The following CEP78 variants were observed in gnomAD, a reference collection of about 807,000 sequenced individuals.
The protein encoded by CEP78 is centrosomal protein of 78 kDa.
A neutral mutation model predicts 81.2 loss-of-function variants in CEP78; 76 were observed. The ratio of observed to expected loss-of-function variants is 0.94; its 90% CI spans 0.78 to 1.13. The LOEUF is 1.13. Among genes scored for constraint, CEP78 ranks in the 50% most tolerant of loss-of-function variants. The pLI is 0.00. For missense variants in CEP78, 918 were observed against 846.8 expected (o/e 1.08, Z -1.04); for synonymous variants, 293 against 301.4 (o/e 0.97, Z 0.29).
intron 8 of CEP78, among the ~76,000 whole-genome samples, chr9:78,251,304 A>G (rs1826748016): frequency 2.0e-5 from 3 of 152,224 alleles, no homozygotes. Context: ...TGGCTCACCT[A>G]CTACCCAGCT....
Position 78,248,092 on chromosome 9 carries a change from C to A in CEP78, c.893-199C>A, listed in dbSNP as rs75876687. 0.018 allele frequency among the ~76,000 whole-genome samples: 2,726 copies of A among 151,998 alleles called. 88 individuals are homozygous for A. Among genetic ancestry groups the A allele is most frequent in the African/African-American group, 0.062 (2,573 of 41,436 alleles). On this transcript the variant is annotated intron_variant, in intron 6 of 16. Coordinates refer to ENST00000643273, the MANE Select transcript of CEP78 (RefSeq NM_001330691.3). ...CTGCCAAAATAGTAGCCATCAGGGA[C>A]AATATGTGTGTAGGAATACTTTGTT...
intron 10 of CEP78, 33 bp downstream of exon 10, chr9:78,253,310 G>C (rs779638532): frequency 1.0e-6 from 1 of 955,330 alleles, no homozygotes; most frequent in Non-Finnish European, 1.7e-6. Context: ...ATATGTAGGG[G>C]ATTGGAATGG....
chr9:78,265,837 A>C lies in CEP78; in HGVS notation c.1798-22A>C, dbSNP rs964247726. 5.1e-6 allele frequency: 6 copies of C among 1,181,094 alleles called. No individual in the cohort carries two copies. The African/African-American group carries it at 9.1e-5, about 18-fold the overall frequency. The allele number at this position is 1,181,094 out of a possible 1,614,324, so 73.2% of individuals were successfully genotyped here. A position where few individuals can be genotyped will look rare whatever the true frequency, so the allele number is the denominator to read the frequency against. On this transcript the variant is annotated intron_variant, in intron 14 of 16. Transcript: ENST00000643273. The stretch of plus-strand genomic sequence containing the variant: ...TCAATTTTCAATTTTATAAATGTCT[A>C]TTCTATTCATATTCCATCTAGGTTT...
chr9:78,241,098 G>A (rs941049717), intron 3 of CEP78, among the ~76,000 whole-genome samples: 1 of 152,192 alleles, frequency 6.6e-6, no homozygotes, highest in African/African-American at 2.4e-5. Context: ...GACAGACTTG[G>A]GGGGAAAGGG....
chr9:78,241,677 G>GTTTTTT lies in CEP78; in HGVS notation c.500-15_500-10dup. The GTTTTTT allele has an allele frequency of 8.2e-7, 1 of 1,220,934 alleles. No individual in the cohort carries two copies. Among genetic ancestry groups the GTTTTTT allele is most frequent in the East Asian group, 2.4e-5 (1 of 42,068 alleles). The allele number at this position is 1,220,934 out of a possible 1,614,324, so 75.6% of individuals were successfully genotyped here. A position where few individuals can be genotyped will look rare whatever the true frequency, so the allele number is the denominator to read the frequency against. ...TATGCTCTTCATCTTATTGTATGTG[G>GTTTTTT]TTTTTTTTTCCATTTTAGTTATTTG... On this transcript the variant is annotated intron_variant, in intron 3 of 16. Transcript: ENST00000643273.
In CEP78 at chr9:78,271,023, C is replaced by A; in HGVS notation, c.*172C>A. ...TGGAGCATCTGATTCTGGAGTTTGC[C>A]ACCAGGCTAAGAAAGCAGCTATCTG... On this transcript the variant is annotated 3_prime_UTR_variant, in exon 17 of 17. Transcript: ENST00000643273. The A allele has an allele frequency of 2.0e-6, 1 of 491,814 alleles. No homozygotes were observed. Among genetic ancestry groups the A allele is most frequent in the Non-Finnish European group, 3.5e-6 (1 of 282,456 alleles). 30.5% of individuals were successfully genotyped at this position (491,814 alleles called of 1,614,324 possible). A position where few individuals can be genotyped will look rare whatever the true frequency, so the allele number is the denominator to read the frequency against.
At chr9:78,239,599 T>C (rs1479034119) in intron 1 of CEP78, among the ~76,000 whole-genome samples, 2 of 152,116 alleles carry the variant, frequency 1.3e-5, no homozygotes, top group East Asian at 1.9e-4. Context: ...AAGTGAACTC[T>C]CCTAGGCTTG....
intron 12 of CEP78, among the ~76,000 whole-genome samples, chr9:78,263,355 A>C (rs1827364709): frequency 6.6e-6 from 1 of 152,172 alleles, no homozygotes; most frequent in African/African-American, 2.4e-5. Context: ...AAAATGAATA[A>C]ATAAGGTAAA....
intron 6 of CEP78, among the ~76,000 whole-genome samples, chr9:78,247,472 T>G (rs1011235800): frequency 3.3e-5 from 5 of 152,042 alleles, no homozygotes; most frequent in Non-Finnish European, 7.4e-5. Context: ...GCCAATATGG[T>G]TGGGGCACTG....
At chr9:78,256,578 G>A (rs1256937060) in intron 11 of CEP78, among the ~76,000 whole-genome samples, 1 of 137,550 alleles carries the variant, frequency 7.3e-6, no homozygotes, top group African/African-American at 2.8e-5. Context: ...TGTCGCCCAG[G>A]CTGGAATGCA....
chr9:78,259,140 A>G (rs558498347), intron 11 of CEP78, among the ~76,000 whole-genome samples: 1 of 152,236 alleles, frequency 6.6e-6, no homozygotes, highest in Admixed American at 6.5e-5. Flanking sequence ...TAAAAGTAAT[A>G]AAATTGAATG....
In CEP78 at chr9:78,272,711, A is replaced by G. The variant is rs1412596033; in HGVS notation, c.*1860A>G. 6.6e-6 allele frequency: 1 copy of G among 152,240 alleles called. No individual in the cohort carries two copies. Among genetic ancestry groups the G allele is most frequent in the African/African-American group, 2.4e-5 (1 of 41,476 alleles). The allele number at this position is 152,240 out of a possible 1,614,324, so 9.4% of individuals were successfully genotyped here. On this transcript the variant is annotated 3_prime_UTR_variant, in exon 17 of 17. Transcript: ENST00000643273. ...AGCTCCCAAATTTTAATTACTTTCA[A>G]CAACATAGGTTTATTTGTGCCCATG...
chr9:78,251,784 T>C lies in CEP78; in HGVS notation c.1070-124T>C, dbSNP rs190907234. 56 of 624,852 alleles carry C rather than the reference T, an allele frequency of 9.0e-5. No homozygotes were observed. The East Asian group carries it at 1.2e-3, about 14-fold the overall frequency. 38.7% of individuals were successfully genotyped at this position (624,852 alleles called of 1,614,324 possible). Reference sequence around the variant, plus strand: ...AAAGGTATTTACAAATTGATCCTGATTTAATGGACTTGGTGTCATTGTCAG... The same window carrying C: ...AAAGGTATTTACAAATTGATCCTGACTTAATGGACTTGGTGTCATTGTCAG... On this transcript the variant is annotated intron_variant, in intron 8 of 16. Transcript: ENST00000643273.
rs1251689372 is a variant in CEP78 at position 78,272,877 on chromosome 9, T to C, written c.*2026T>C. On this transcript the variant is annotated 3_prime_UTR_variant, in exon 17 of 17. Transcript: ENST00000643273. The stretch of plus-strand genomic sequence containing the variant: ...AGACAGTATGATGCAGCATATATTG[T>C]GACTTAAAGCTTCTGTCTAGATGTG... The C allele has an allele frequency of 1.3e-5, 2 of 152,212 alleles. No homozygotes were observed. Among genetic ancestry groups the C allele is most frequent in the Non-Finnish European group, 2.9e-5 (2 of 68,036 alleles). The allele number at this position is 152,212 out of a possible 1,614,324, so 9.4% of individuals were successfully genotyped here.
chr9:78,248,912 T>C, intron 8 of CEP78, 39 bp downstream of exon 8: 1 of 963,704 alleles, frequency 1.0e-6, no homozygotes, highest in Non-Finnish European at 1.6e-6. Context: ...GCTACTAGTG[T>C]TCTAGTGTGT....
chr9:78,246,151 C>T (rs1826468761), intron 5 of CEP78, among the ~76,000 whole-genome samples: 3 of 152,122 alleles, frequency 2.0e-5, no homozygotes, highest in African/African-American at 7.2e-5. Flanking sequence ...GTAATCATGA[C>T]ACATCTATGA....
chr9:78,268,342 G>A (rs764697856), intron 16 of CEP78, among the ~76,000 whole-genome samples: 20 of 152,148 alleles, frequency 1.3e-4, no homozygotes, highest in Middle Eastern at 3.2e-3. Flanking sequence ...GAGAGTTACC[G>A]AAATGTCATC....
At chr9:78,256,124 G>A (rs1333607845) in intron 11 of CEP78, among the ~76,000 whole-genome samples, 2 of 152,196 alleles carry the variant, frequency 1.3e-5, no homozygotes, top group African/African-American at 4.8e-5. Context: ...AGATGGAAAT[G>A]AGTATGAAAC....
At chr9:78,252,120 G>T in intron 9 of CEP78, 77 bp downstream of exon 9, 1 of 1,296,004 alleles carries the variant, frequency 7.7e-7, no homozygotes, top group Admixed American at 2.1e-5. Flanking sequence ...TCTATTATGT[G>T]AGAGTTCTCT....
Sources: gnomAD v4.1 joint callset for allele counts (sites outside exome capture counted in the v4.1 genomes callset) on GRCh38, gnomAD v4.1.1 for gene constraint, MANE v1.5 for transcripts, NCBI Gene and HGNC (gene_info 2026-07-23, HGNC 2026-07-21) for gene names.